DPP10: variants seen among roughly 807,000 people sequenced by gnomAD.
The protein encoded by DPP10 is inactive dipeptidyl peptidase 10.
A neutral mutation model predicts 120.9 loss-of-function variants in DPP10; 33 were observed. The ratio of observed to expected loss-of-function variants is 0.27; its 90% confidence interval spans 0.21 to 0.37. DPP10 has a LOEUF of 0.37. DPP10 is among the 10% of genes least tolerant of loss of function. The probability of loss-of-function intolerance (pLI) is 1.00; values close to 1 mark genes in which losing one functional copy is unlikely to be tolerated. For missense variants in DPP10, 816 were observed against 942.8 expected (o/e 0.87, Z 1.76); for synonymous variants, 337 against 326.1 (o/e 1.03, Z -0.36).
At chr2:115,118,894 T>C (rs1187232654) in intron 1 of DPP10, among the ~76,000 whole-genome samples, 1 of 152,006 alleles carries the variant, frequency 6.6e-6, no homozygotes, top group Non-Finnish European at 1.5e-5. Flanking sequence ...GAGTTACAGG[T>C]GTGAGCCACC....
rs1175323884 is a variant in DPP10, at chr2:114,716,049, CT to C, written c.60+273219del. Among the ~76,000 whole-genome samples the C allele has an allele frequency of 2.7e-3, 406 of 150,010 alleles. 3 individuals carry two copies. The highest frequency in any genetic ancestry group is 8.9e-3 in the African/African-American group (363 of 40,682). On this transcript the variant is annotated intron_variant, in intron 1 of 25. Coordinates refer to ENST00000410059, the MANE Select transcript of DPP10 (RefSeq NM_020868.6). ...CAAAATTTCTAAAGGAAATGATTGT[CT>C]TTTTTTTAAAAAAAAAACAAACGCA...
In DPP10 at chr2:115,231,337, C is replaced by T. The variant is rs183482857; in HGVS notation, c.61-77902C>T. On this transcript the variant is annotated intron_variant, in intron 1 of 25. Coordinates refer to ENST00000410059, the MANE Select transcript of DPP10 (RefSeq NM_020868.6). ...TAATAGCATGCATTCTATTTATAAACATCTATGTTTATCTTAAGGTACATA... is the reference window on the plus strand; with the variant it reads ...TAATAGCATGCATTCTATTTATAAATATCTATGTTTATCTTAAGGTACATA... Among the ~76,000 whole-genome samples the T allele has an allele frequency of 5.3e-4, 80 of 152,170 alleles. 1 individual carries two copies. Among genetic ancestry groups the T allele is most frequent in the African/African-American group, 1.8e-3 (76 of 41,548 alleles).
intron 1 of DPP10, among the ~76,000 whole-genome samples, chr2:115,288,852 A>G (rs12463715): frequency 6.6e-6 from 1 of 151,914 alleles, no homozygotes; most frequent in East Asian, 1.9e-4. Flanking sequence ...GAATGGGGAA[A>G]AGTTGAAAGC....
intron 3 of DPP10, among the ~76,000 whole-genome samples, chr2:115,412,924 T>C (rs1517369): frequency 0.63 from 95,471 of 151,960 alleles, 30,756 homozygotes; most frequent in Middle Eastern, 0.74. Context: ...CAATTGAGTA[T>C]TCCTGATTAT....
chr2:115,313,556 T>C (rs2061668949), intron 2 of DPP10, among the ~76,000 whole-genome samples: 1 of 152,182 alleles, frequency 6.6e-6, no homozygotes, highest in Admixed American at 6.5e-5. Flanking sequence ...AGTTATTTAG[T>C]CAAAGAAATG....
Position 115,403,381 on chromosome 2 carries a change from C to CTTTTTT in DPP10, c.271+59500_271+59505dup, listed in dbSNP as rs78116780. Among the ~76,000 whole-genome samples the CTTTTTT allele has an allele frequency of 1.8e-4, 21 of 118,456 alleles. 2 individuals are homozygous for CTTTTTT. Among genetic ancestry groups the CTTTTTT allele is most frequent in the East Asian group, 6.0e-4 (2 of 3,310 alleles). The allele number at this position is 118,456 out of a possible 152,430, so 77.7% of individuals were successfully genotyped here. A position where few individuals can be genotyped will look rare whatever the true frequency, so the allele number is the denominator to read the frequency against. On this transcript the variant is annotated intron_variant, in intron 3 of 25. Coordinates refer to ENST00000410059, the MANE Select transcript of DPP10 (RefSeq NM_020868.6). ...TACTTCTCTCTTTCTTTCTTTCCTT[C>CTTTTTT]TTTTTTTTTTTTTTTTTTTTTTTTT...
chr2:115,564,131 G>A (rs927997621), intron 5 of DPP10, among the ~76,000 whole-genome samples: 2 of 151,140 alleles, frequency 1.3e-5, no homozygotes, highest in African/African-American at 4.9e-5. Context: ...GCCAGCCCTC[G>A]ATATTCAAAT....
chr2:115,720,182 C>T (rs1355026336), intron 7 of DPP10, among the ~76,000 whole-genome samples: 1 of 152,154 alleles, frequency 6.6e-6, no homozygotes, highest in Non-Finnish European at 1.5e-5. Context: ...TGCTTCACAT[C>T]CTTGGCAACA....
At chr2:115,358,075 A>AT in intron 3 of DPP10, among the ~76,000 whole-genome samples, 1 of 151,772 alleles carries the variant, frequency 6.6e-6, no homozygotes, top group East Asian at 1.9e-4. Context: ...CCCTGGAGAC[A>AT]TTTTTTCCAT....
At chr2:114,809,183 T>C (rs1186537578) in intron 1 of DPP10, among the ~76,000 whole-genome samples, 2 of 152,170 alleles carry the variant, frequency 1.3e-5, no homozygotes, top group Admixed American at 6.5e-5. Context: ...CTCACATTAA[T>C]GTTGAAGTGG....
chr2:115,019,199 A>AT (rs1394397547), intron 1 of DPP10, among the ~76,000 whole-genome samples: 3 of 152,104 alleles, frequency 2.0e-5, no homozygotes, highest in Admixed American at 6.5e-5. Context: ...CAAATTGGTG[A>AT]TTTTTTTCAA....
chr2:115,035,843 A>G (rs1704192689), intron 1 of DPP10, among the ~76,000 whole-genome samples: 1 of 152,218 alleles, frequency 6.6e-6, no homozygotes, highest in Non-Finnish European at 1.5e-5. Flanking sequence ...AACTATTACT[A>G]TGATTACTCT....
intron 3 of DPP10, among the ~76,000 whole-genome samples, chr2:115,432,855 G>A (rs77439469): frequency 0.017 from 2,548 of 151,980 alleles, 82 homozygotes; most frequent in African/African-American, 0.058. Context: ...CAGGAAAGCC[G>A]TCCCTTAACA....
At chr2:115,753,380 A>C in intron 11 of DPP10, 83 bp downstream of exon 11, 1 of 1,351,366 alleles carries the variant, frequency 7.4e-7, no homozygotes, top group Non-Finnish European at 9.8e-7. Flanking sequence ...AATGCTTTGT[A>C]CAAAAAAAAT....
chr2:115,556,207 C>T lies in DPP10; in HGVS notation c.441+30235C>T, dbSNP rs548753646. Among the ~76,000 whole-genome samples the T allele has an allele frequency of 5.9e-5, 9 of 151,754 alleles. 1 individual carries two copies. The highest frequency in any genetic ancestry group is 1.9e-4 in the African/African-American group (8 of 41,394). Reference sequence around the variant, plus strand: ...TAATAGCCAGATACTTTTTATACTCCGAATACAAATATTGAAAAAAATGAA... The same window carrying T: ...TAATAGCCAGATACTTTTTATACTCTGAATACAAATATTGAAAAAAATGAA... On this transcript the variant is annotated intron_variant, in intron 5 of 25. Transcript: ENST00000410059.
rs1376375964 is a variant in DPP10, at chr2:115,546,705, C to A, written c.441+20733C>A. Among the ~76,000 whole-genome samples the A allele has an allele frequency of 5.3e-5, 8 of 152,170 alleles. No homozygotes were observed. The East Asian group carries it at 9.7e-4, about 18-fold the overall frequency. On this transcript the variant is annotated intron_variant, in intron 5 of 25. Coordinates refer to ENST00000410059, the MANE Select transcript of DPP10 (RefSeq NM_020868.6). ...CACATGCACTCAGCTTCTTTCTTTG[C>A]AGATAGTCAAGAGCTTAGGGAGTGT...
chr2:115,007,313 A>G (rs1701927147), intron 1 of DPP10, among the ~76,000 whole-genome samples: 1 of 152,226 alleles, frequency 6.6e-6, no homozygotes, highest in South Asian at 2.1e-4. Flanking sequence ...AACAGAGCCA[A>G]AGACAAAAAC....
At chr2:114,716,642 T>C (rs1429823915) in intron 1 of DPP10, among the ~76,000 whole-genome samples, 1 of 152,188 alleles carries the variant, frequency 6.6e-6, no homozygotes, top group East Asian at 1.9e-4. Context: ...AAAACTACAA[T>C]CTTGATTATG....
chr2:115,405,221 C>A lies in DPP10; in HGVS notation c.271+61309C>A, dbSNP rs191701669. The stretch of plus-strand genomic sequence containing the variant: ...CAGGCATAAGATGAGTATTCTCCTT[C>A]CAAAAGGGAGAGAGAGGCAAAAAGA... On this transcript the variant is annotated intron_variant, in intron 3 of 25. Transcript: ENST00000410059. Among the ~76,000 whole-genome samples the A allele has an allele frequency of 4.6e-5, 7 of 152,274 alleles. No individual in the cohort carries two copies. The East Asian group carries it at 1.4e-3, about 29-fold the overall frequency.
Sources: allele counts gnomAD v4.1 joint callset (sites outside exome capture counted in the v4.1 genomes callset), GRCh38; gene constraint gnomAD v4.1.1; transcripts MANE v1.5; gene names NCBI Gene and HGNC (gene_info 2026-07-23, HGNC 2026-07-21).